The following CNBD1 variants were observed in gnomAD, a reference collection of about 807,000 sequenced individuals.
The protein encoded by CNBD1 is cyclic nucleotide-binding domain-containing protein 1.
Under a neutral mutation model 54.4 loss-of-function variants are expected in CNBD1, and 71 were observed. That is an observed-to-expected ratio of 1.30 (90% CI 1.08 to 1.59). The LOEUF (loss-of-function observed/expected upper bound fraction) is 1.59. Ranked by LOEUF, CNBD1 falls within the 40% of genes most tolerant of loss-of-function variation. The pLI is 0.00. For synonymous variants in CNBD1, 182 were observed against 170.7 expected (o/e 1.07, Z -0.51); for missense variants, 659 against 518.0 (o/e 1.27, Z -2.64).
intron 6 of CNBD1, among the ~76,000 whole-genome samples, chr8:87,261,366 C>T (rs1249699483): frequency 1.3e-5 from 2 of 151,918 alleles, no homozygotes; most frequent in Non-Finnish European, 2.9e-5. Flanking sequence ...TACTTTGGAT[C>T]CCACTTCTGA....
At chr8:87,309,613 C>T (rs968550738) in intron 8 of CNBD1, among the ~76,000 whole-genome samples, 5 of 152,112 alleles carry the variant, frequency 3.3e-5, no homozygotes, top group Non-Finnish European at 4.4e-5. Context: ...ATAAACAAAA[C>T]TCATATCTGT....
At chr8:86,939,252 G>A (rs1007718888) in intron 3 of CNBD1, among the ~76,000 whole-genome samples, 1 of 152,080 alleles carries the variant, frequency 6.6e-6, no homozygotes, top group African/African-American at 2.4e-5. Context: ...ACAAATGTGT[G>A]AGTATAAATG....
At chr8:87,405,438 A>G (rs1807635742) in intron 2 of CNBD1, among the ~76,000 whole-genome samples, 1 of 152,096 alleles carries the variant, frequency 6.6e-6, no homozygotes, top group African/African-American at 2.4e-5. Flanking sequence ...TTCCTAAGAG[A>G]AACACTACTA....
intron 4 of CNBD1, among the ~76,000 whole-genome samples, chr8:87,158,435 A>C (rs754030707): frequency 8.5e-5 from 13 of 152,192 alleles, no homozygotes; most frequent in Non-Finnish European, 1.3e-4. Flanking sequence ...GGTATAATGG[A>C]AAACTATAAT....
chr8:87,353,925 T>A lies in CNBD1; in HGVS notation c.1303+139T>A, dbSNP rs1810362341. 10 of 567,192 alleles carry A rather than the reference T, an allele frequency of 1.8e-5. No homozygotes were observed. In the East Asian group the frequency reaches 3.1e-4, roughly 18 times the overall value. 35.1% of individuals were successfully genotyped at this position (567,192 alleles called of 1,614,324 possible). A position where few individuals can be genotyped will look rare whatever the true frequency, so the allele number is the denominator to read the frequency against. On this transcript the variant is annotated intron_variant, in intron 10 of 10. Coordinates refer to ENST00000518476, the MANE Select transcript of CNBD1 (RefSeq NM_173538.3). ...TGCAAAGGATGGAGTATTTGCATAA[T>A]CTCCTCCAGATCATTTCTCTCTTGG...
intron 8 of CNBD1, among the ~76,000 whole-genome samples, chr8:87,306,247 TA>T (rs1259961836): frequency 1.3e-5 from 2 of 151,972 alleles, no homozygotes; most frequent in Non-Finnish European, 2.9e-5. Context: ...AAAAAATCAA[TA>T]AAACAGTAGA....
intron 3 of CNBD1, among the ~76,000 whole-genome samples, chr8:86,934,600 A>C (rs1009278674): frequency 2.6e-5 from 4 of 152,184 alleles, no homozygotes; most frequent in Admixed American, 6.5e-5. Context: ...CCTTCAGTAT[A>C]ATATTTGCTG....
At chr8:87,425,849 A>T (rs2130997091) in intron 2 of CNBD1, among the ~76,000 whole-genome samples, 1 of 152,226 alleles carries the variant, frequency 6.6e-6, no homozygotes, top group South Asian at 2.1e-4. Context: ...GGCTCCACCC[A>T]GTTCGAGCTT....
intron 8 of CNBD1, among the ~76,000 whole-genome samples, chr8:87,319,909 C>A (rs1004902138): frequency 6.6e-6 from 1 of 151,926 alleles, no homozygotes; most frequent in Non-Finnish European, 1.5e-5. Context: ...GTCCTAAGTT[C>A]TTGATGTTTT....
chr8:87,058,617 G>A (rs141152641), intron 4 of CNBD1, among the ~76,000 whole-genome samples: 1 of 152,250 alleles, frequency 6.6e-6, no homozygotes, highest in Admixed American at 6.5e-5. Flanking sequence ...TTCTTCTAAG[G>A]CTGGGGGCTT....
At chr8:87,170,951 G>A (rs183119312) in intron 4 of CNBD1, among the ~76,000 whole-genome samples, 13 of 152,136 alleles carry the variant, frequency 8.5e-5, no homozygotes, top group Admixed American at 5.9e-4. Context: ...AATATTCATC[G>A]GAGATATTGG....
At chr8:87,079,619 G>A (rs940102280) in intron 4 of CNBD1, among the ~76,000 whole-genome samples, 25 of 151,812 alleles carry the variant, frequency 1.6e-4, no homozygotes, top group African/African-American at 4.1e-4. Context: ...ATATTTTTTC[G>A]CTTATTGATT....
intron 2 of CNBD1, among the ~76,000 whole-genome samples, chr8:86,893,023 C>G (rs10955093): frequency 0.5 from 76,377 of 151,852 alleles, 19,387 homozygotes; most frequent in South Asian, 0.58. Flanking sequence ...ATGATCTGAG[C>G]TTCGAGCCAT....
rs977335515 is a variant in CNBD1, at chr8:86,882,792, T to C, written c.89-4750T>C. 4.6e-5 allele frequency among the ~76,000 whole-genome samples: 7 copies of C among 152,178 alleles called. 1 individual carries two copies. The highest frequency in any genetic ancestry group is 2.0e-4 in the Admixed American group (3 of 15,286). On this transcript the variant is annotated intron_variant, in intron 1 of 10. Transcript: ENST00000518476. ...ACCTAAATGCCCATCAATGATAGAC[T>C]GGGTAAAGAAAATGTGGTACATAAA...
At chr8:87,138,433 G>T (rs1038711102) in intron 4 of CNBD1, among the ~76,000 whole-genome samples, 4 of 152,150 alleles carry the variant, frequency 2.6e-5, no homozygotes, top group Non-Finnish European at 5.9e-5. Flanking sequence ...CAACCGAAAA[G>T]AAACAAGGCA....
chr8:87,036,500 A>G (rs932488261), intron 4 of CNBD1, among the ~76,000 whole-genome samples: 3 of 148,596 alleles, frequency 2.0e-5, no homozygotes, highest in Non-Finnish European at 4.5e-5. Flanking sequence ...AAGCTGAGGC[A>G]GGAGAATGGC....
At chr8:87,269,728 T>C (rs1315986993) in intron 6 of CNBD1, among the ~76,000 whole-genome samples, 1 of 151,966 alleles carries the variant, frequency 6.6e-6, no homozygotes, top group Non-Finnish European at 1.5e-5. Flanking sequence ...GAAACTGAAA[T>C]CCTGAACAGA....
rs1289115940 is a variant in CNBD1, at chr8:87,316,228, T to A, written c.1042+29557T>A. Among the ~76,000 whole-genome samples, 5 of 152,132 alleles carry A rather than the reference T, an allele frequency of 3.3e-5. No individual in the cohort carries two copies. The East Asian group carries it at 9.7e-4, about 29-fold the overall frequency. On this transcript the variant is annotated intron_variant, in intron 8 of 10. Coordinates refer to ENST00000518476, the MANE Select transcript of CNBD1 (RefSeq NM_173538.3). ...AATTGTTTTGTCATATACAAATGACTCTTACCAACGAATAGTAAAATCTCA... is the reference window on the plus strand; with the variant it reads ...AATTGTTTTGTCATATACAAATGACACTTACCAACGAATAGTAAAATCTCA...
intron 6 of CNBD1, among the ~76,000 whole-genome samples, chr8:87,238,399 G>A (rs1228018617): frequency 2.0e-5 from 3 of 152,070 alleles, no homozygotes; most frequent in South Asian, 4.1e-4. Flanking sequence ...ACCCAGTGAA[G>A]CCACTGGGAA....
Sources: gnomAD v4.1 joint callset for allele counts (sites outside exome capture counted in the v4.1 genomes callset) on GRCh38, gnomAD v4.1.1 for gene constraint, MANE v1.5 for transcripts, NCBI Gene and HGNC (gene_info 2026-07-23, HGNC 2026-07-21) for gene names.